Variants in TTC27 observed in about 807,000 individuals in gnomAD.
The protein encoded by TTC27 is tetratricopeptide repeat protein 27.
In TTC27, 79 loss-of-function variants were observed where a neutral mutation model predicts 115.9. The observed-to-expected ratio is 0.68, with a 90% CI of 0.57 to 0.82. The LOEUF (loss-of-function observed/expected upper bound fraction) is 0.82, where lower values mean the gene tolerates loss of function less well. Among genes scored for constraint, TTC27 ranks in the 40% least tolerant of loss-of-function variants. TTC27 has a pLI of 0.00. For missense variants in TTC27, 1,054 were observed against 993.1 expected (o/e 1.06, Z -0.82); for synonymous variants, 401 against 356.0 (o/e 1.13, Z -1.42).
intron 6 of TTC27, among the ~76,000 whole-genome samples, chr2:32,666,039 G>A (rs1665762538): frequency 6.6e-6 from 1 of 152,232 alleles, no homozygotes; most frequent in African/African-American, 2.4e-5. Context: ...ACTGGTCTTT[G>A]TAATCAAGGA....
At chr2:32,777,244 A>G (rs1398177600) in intron 13 of TTC27, among the ~76,000 whole-genome samples, 1 of 152,222 alleles carries the variant, frequency 6.6e-6, no homozygotes, top group Non-Finnish European at 1.5e-5. Context: ...TGAGTTTGTA[A>G]TACATTCATC....
intron 19 of TTC27, among the ~76,000 whole-genome samples, chr2:32,819,590 C>G (rs899713600): frequency 1.3e-5 from 2 of 152,154 alleles, no homozygotes; most frequent in African/African-American, 4.8e-5. Flanking sequence ...GAATGAATCT[C>G]AGGTCTTTTC....
intron 6 of TTC27, among the ~76,000 whole-genome samples, chr2:32,665,340 G>GT (rs1383434033): frequency 5.9e-5 from 9 of 152,316 alleles, no homozygotes; most frequent in African/African-American, 1.7e-4. Flanking sequence ...ATGGCCATGT[G>GT]TAAGTTGTCT....
chr2:32,671,560 A>G (rs1486640353), intron 7 of TTC27, among the ~76,000 whole-genome samples: 1 of 152,214 alleles, frequency 6.6e-6, no homozygotes, highest in East Asian at 1.9e-4. Context: ...CATTCACTTT[A>G]TATGTCTGTC....
intron 3 of TTC27, among the ~76,000 whole-genome samples, chr2:32,637,158 A>G (rs937762530): frequency 4.6e-5 from 7 of 152,194 alleles, no homozygotes; most frequent in African/African-American, 1.7e-4. Context: ...TGCTCTCCAG[A>G]TAGTATACCA....
At chr2:32,776,655 C>G (rs1353495660) in intron 13 of TTC27, among the ~76,000 whole-genome samples, 1 of 152,158 alleles carries the variant, frequency 6.6e-6, no homozygotes, top group East Asian at 1.9e-4. Flanking sequence ...GTTGCCCAGG[C>G]TGGAGTGCAG....
At chr2:32,787,977 T>C (rs1479842186) in intron 16 of TTC27, among the ~76,000 whole-genome samples, 1 of 152,170 alleles carries the variant, frequency 6.6e-6, no homozygotes, top group Non-Finnish European at 1.5e-5. Flanking sequence ...AATTTTCCAT[T>C]GAGATAGTTC....
rs1447186932 is a variant in TTC27 at position 32,672,302 on chromosome 2, A to C, written c.970A>C (p.Asn324His). 14 of 1,613,810 alleles carry C rather than the reference A, an allele frequency of 8.7e-6. No individual in the cohort carries two copies. Among genetic ancestry groups the C allele is most frequent in the Admixed American group, 1.7e-5 (1 of 60,006 alleles). Residue 324 changes from asparagine to histidine, a missense_variant, in exon 8 of 20, where the codon AAT becomes CAT. Coordinates refer to ENST00000317907, the MANE Select transcript of TTC27 (RefSeq NM_017735.5). ...TGAGCTCAATGATGACACCATTCTG[A>C]ATGACATAAAGTTAGCAGATTGTGA... ...NLELNDDTIL[N>H]DIKLADCEQF... is the part of the protein sequence containing the mutation.
intron 19 of TTC27, among the ~76,000 whole-genome samples, chr2:32,820,213 G>T (rs1671636092): frequency 6.6e-6 from 1 of 152,120 alleles, no homozygotes; most frequent in Non-Finnish European, 1.5e-5. Flanking sequence ...TTTTCTTGGG[G>T]GCCTATGTTG....
intron 16 of TTC27, among the ~76,000 whole-genome samples, chr2:32,793,445 C>A (rs150867767): frequency 6.6e-6 from 1 of 152,050 alleles, no homozygotes; most frequent in African/African-American, 2.4e-5. Context: ...AATAACTCAA[C>A]GCTGGATAAA....
chr2:32,633,222 T>A (rs1664280540), intron 2 of TTC27, among the ~76,000 whole-genome samples: 1 of 152,188 alleles, frequency 6.6e-6, no homozygotes, highest in South Asian at 2.1e-4. Context: ...TCAAGATAAT[T>A]TTCCGTGGAG....
chr2:32,628,263 C>A lies in TTC27; in HGVS notation c.-30C>A. ...GACTCCCGTGTGGCCCTCGTGGGAG[C>A]CTGTTTTGGCTGCAGCGGTGTCTGG... is the stretch of plus-strand genomic sequence containing the variant. On this transcript the variant is annotated 5_prime_UTR_variant, in exon 1 of 20. Transcript: ENST00000317907. The A allele has an allele frequency of 3.1e-6, 5 of 1,589,978 alleles. No homozygotes were observed. Among genetic ancestry groups the A allele is most frequent in the Non-Finnish European group, 4.3e-6 (5 of 1,169,586 alleles).
At chr2:32,753,429 C>CTTTTTTTTTTTTTTTT (rs776515945) in intron 12 of TTC27, among the ~76,000 whole-genome samples, 1 of 72,848 alleles carries the variant, frequency 1.4e-5, no homozygotes, top group Non-Finnish European at 2.4e-5. Flanking sequence ...AATCAAATGC[C>CTTTTTTTTTTTTTTTT]TTTTTTTTTT....
chr2:32,656,447 A>G (rs1202641915), intron 5 of TTC27, among the ~76,000 whole-genome samples: 1 of 152,202 alleles, frequency 6.6e-6, no homozygotes. Context: ...AGAGAGGCAC[A>G]GAGACTTGGA....
At chr2:32,696,139 A>G (rs1035840541) in intron 9 of TTC27, among the ~76,000 whole-genome samples, 1 of 150,934 alleles carries the variant, frequency 6.6e-6, no homozygotes, top group Non-Finnish European at 1.5e-5. Flanking sequence ...AAAAAAAAAA[A>G]TAATTGTTCT....
chr2:32,806,163 T>G (rs1428922860), intron 16 of TTC27, among the ~76,000 whole-genome samples: 1 of 152,228 alleles, frequency 6.6e-6, no homozygotes, highest in Non-Finnish European at 1.5e-5. Flanking sequence ...TTTTGACTTG[T>G]TGCTGATAGG....
intron 19 of TTC27, among the ~76,000 whole-genome samples, chr2:32,818,977 C>T (rs542721124): frequency 3.9e-5 from 6 of 152,084 alleles, no homozygotes; most frequent in African/African-American, 7.2e-5. Context: ...TTGTGTCTCT[C>T]GGAAATCTAT....
intron 16 of TTC27, among the ~76,000 whole-genome samples, chr2:32,800,200 T>G (rs1303624437): frequency 6.6e-6 from 1 of 152,214 alleles, no homozygotes; most frequent in Non-Finnish European, 1.5e-5. Flanking sequence ...TGTTTTTGTG[T>G]TTTTTGAGAC....
intron 10 of TTC27, among the ~76,000 whole-genome samples, chr2:32,711,116 C>CAAAAAAAA (rs34140897): frequency 1.0e-4 from 6 of 59,932 alleles, no homozygotes; most frequent in Admixed American, 1.9e-4. Flanking sequence ...GACTCTGTCT[C>CAAAAAAAA]AAAAAAAAAA....
Sources: allele counts gnomAD v4.1 joint callset (sites outside exome capture counted in the v4.1 genomes callset), GRCh38; gene constraint gnomAD v4.1.1; transcripts MANE v1.5; gene names NCBI Gene and HGNC (gene_info 2026-07-23, HGNC 2026-07-21).